The following AGBL1 variants were observed in gnomAD, a reference collection of about 807,000 sequenced individuals.
AGBL1 encodes the protein cytosolic carboxypeptidase 4.
In AGBL1, 130 loss-of-function variants were observed where a neutral mutation model predicts 118.9. The observed-to-expected ratio is 1.09, with a 90% confidence interval of 0.95 to 1.26. The LOEUF (loss-of-function observed/expected upper bound fraction) is 1.26. Ranked by LOEUF, AGBL1 falls within the 50% of genes most tolerant of loss-of-function variation. The pLI, the probability that AGBL1 is intolerant of heterozygous loss-of-function variation, is 0.00. For synonymous variants in AGBL1, 555 were observed against 478.9 expected, an observed-to-expected ratio of 1.16 and a Z score of -2.08; for missense variants, 1,584 against 1,298.1, an observed-to-expected ratio of 1.22 and a Z score of -3.38.
chr15:86,933,719 C>G (rs551394680), intron 23 of AGBL1, among the ~76,000 whole-genome samples: 2 of 152,164 alleles, frequency 1.3e-5, no homozygotes, highest in African/African-American at 2.4e-5. Flanking sequence ...ACCCACTTTC[C>G]GTGTATCCGG....
intron 22 of AGBL1, among the ~76,000 whole-genome samples, chr15:86,758,600 G>A (rs1246810022): frequency 1.3e-5 from 2 of 151,950 alleles, no homozygotes; most frequent in East Asian, 3.9e-4. Flanking sequence ...TGAATGCTCT[G>A]GATTATATTA....
chr15:86,123,437 A>G (rs1898211255), intron 1 of AGBL1, among the ~76,000 whole-genome samples: 1 of 152,096 alleles, frequency 6.6e-6, no homozygotes, highest in Non-Finnish European at 1.5e-5. Flanking sequence ...ATGGGGTTTT[A>G]CCATGTTGGC....
chr15:86,210,245 A>C (rs1008416318), intron 5 of AGBL1, among the ~76,000 whole-genome samples: 34 of 152,060 alleles, frequency 2.2e-4, no homozygotes, highest in African/African-American at 7.0e-4. Context: ...GCTGCCCTTA[A>C]CATTTTTTCC....
At chr15:86,753,157 A>G (rs1358735545) in intron 22 of AGBL1, among the ~76,000 whole-genome samples, 3 of 152,078 alleles carry the variant, frequency 2.0e-5, no homozygotes, top group African/African-American at 4.8e-5. Context: ...TCTATGTTAT[A>G]TAGATAATAT....
chr15:86,157,956 A>G (rs2077215100), intron 4 of AGBL1, among the ~76,000 whole-genome samples: 1 of 152,208 alleles, frequency 6.6e-6, no homozygotes, highest in Admixed American at 6.5e-5. Flanking sequence ...CAGTGCTTTT[A>G]AAATTAACTC....
chr15:86,473,888 C>T (rs1386057562), intron 18 of AGBL1, among the ~76,000 whole-genome samples: 7 of 152,060 alleles, frequency 4.6e-5, no homozygotes, highest in African/African-American at 1.7e-4. Flanking sequence ...TAAATTGTGC[C>T]AAATTTTCCT....
chr15:86,962,983 G>T (rs774603775), intron 23 of AGBL1, among the ~76,000 whole-genome samples: 1 of 152,086 alleles, frequency 6.6e-6, no homozygotes, highest in East Asian at 1.9e-4. Context: ...AAGGTTAATT[G>T]CACTTATCTT....
intron 23 of AGBL1, among the ~76,000 whole-genome samples, chr15:86,922,096 A>C (rs149657611): frequency 3.3e-5 from 5 of 152,330 alleles, no homozygotes; most frequent in Non-Finnish European, 7.4e-5. Flanking sequence ...ATGAAGATAT[A>C]TCCTTAAAGG....
intron 23 of AGBL1, among the ~76,000 whole-genome samples, chr15:86,971,397 AT>A (rs2141703796): frequency 6.6e-6 from 1 of 152,112 alleles, no homozygotes; most frequent in Non-Finnish European, 1.5e-5. Flanking sequence ...TCTAAACAGC[AT>A]TCTACAGTAA....
intron 22 of AGBL1, among the ~76,000 whole-genome samples, chr15:86,861,052 T>C (rs2079553364): frequency 6.6e-6 from 1 of 152,110 alleles, no homozygotes; most frequent in Admixed American, 6.6e-5. Flanking sequence ...CAGGGGTCTG[T>C]TGATTTCATT....
intron 17 of AGBL1, among the ~76,000 whole-genome samples, chr15:86,351,456 C>T (rs539045440): frequency 6.6e-6 from 1 of 152,108 alleles, no homozygotes; most frequent in South Asian, 2.1e-4. Flanking sequence ...TGTCAGAAGC[C>T]CACATGAAGA....
intron 22 of AGBL1, among the ~76,000 whole-genome samples, chr15:86,747,449 A>G (rs2141246869): frequency 6.6e-6 from 1 of 152,258 alleles, no homozygotes; most frequent in South Asian, 2.1e-4. Context: ...AAAAAACACG[A>G]AGTGAAATTT....
intron 17 of AGBL1, among the ~76,000 whole-genome samples, chr15:86,368,017 G>A (rs757360498): frequency 6.6e-6 from 1 of 152,122 alleles, no homozygotes; most frequent in Non-Finnish European, 1.5e-5. Context: ...AGAGTCTGGA[G>A]CTGGGTTTGG....
chr15:86,995,482 T>C (rs907451135), intron 24 of AGBL1, among the ~76,000 whole-genome samples: 2 of 152,086 alleles, frequency 1.3e-5, no homozygotes, highest in Admixed American at 1.3e-4. Flanking sequence ...CTCAATCAAA[T>C]AGATACAATT....
At chr15:86,423,905 A>C (rs2081829157) in intron 18 of AGBL1, among the ~76,000 whole-genome samples, 1 of 152,232 alleles carries the variant, frequency 6.6e-6, no homozygotes, top group Admixed American at 6.5e-5. Flanking sequence ...ATGGAAAAAC[A>C]ATCCATGTTC....
intron 22 of AGBL1, among the ~76,000 whole-genome samples, chr15:86,859,640 C>T (rs146689039): frequency 5.6e-4 from 85 of 152,286 alleles, no homozygotes; most frequent in Admixed American, 2.0e-3. Flanking sequence ...CGAGAACACA[C>T]GGCTTGTCAC....
At chr15:86,715,511 C>A (rs1414964469) in intron 22 of AGBL1, among the ~76,000 whole-genome samples, 1 of 152,066 alleles carries the variant, frequency 6.6e-6, no homozygotes, top group South Asian at 2.1e-4. Flanking sequence ...CTTATTTTAC[C>A]TTTCTTTGGG....
Position 86,213,577 on chromosome 15 carries a change from C to G in AGBL1, c.489-11337C>G, listed in dbSNP as rs566010781. 3.9e-5 allele frequency among the ~76,000 whole-genome samples: 6 copies of G among 152,238 alleles called. No individual in the cohort carries two copies. The South Asian group carries it at 1.2e-3, about 32-fold the overall frequency. ...GCTCAAGTTTGAAAATCACTGGTCTCAGTGATCGCTGGTGAACTTTTCTGT... is the reference window on the plus strand; with the variant it reads ...GCTCAAGTTTGAAAATCACTGGTCTGAGTGATCGCTGGTGAACTTTTCTGT... On this transcript the variant is annotated intron_variant, in intron 5 of 22. Transcript: ENST00000614907.
chr15:86,573,709 T>A lies in AGBL1; in HGVS notation c.2994+19172T>A, dbSNP rs549564595. Among the ~76,000 whole-genome samples, 93 of 152,272 alleles carry A rather than the reference T, an allele frequency of 6.1e-4. 1 individual carries two copies. Among genetic ancestry groups the A allele is most frequent in the African/African-American group, 2.2e-3 (91 of 41,548 alleles). Reference sequence around the variant, plus strand: ...TCCTCCTCCTTATTCCAACATGCCCTCTTTAGGAGCATGCTGAAATGTACT... The same window carrying A: ...TCCTCCTCCTTATTCCAACATGCCCACTTTAGGAGCATGCTGAAATGTACT... On this transcript the variant is annotated intron_variant, in intron 21 of 22. Coordinates refer to ENST00000614907, the MANE Select transcript of AGBL1 (RefSeq NM_001386094.1).
Sources: allele counts gnomAD v4.1 joint callset (sites outside exome capture counted in the v4.1 genomes callset), GRCh38; gene constraint gnomAD v4.1.1; transcripts MANE v1.5; gene names NCBI Gene and HGNC (gene_info 2026-07-23, HGNC 2026-07-21).